ANXA13: variants seen among roughly 807,000 people sequenced by gnomAD.
The protein encoded by ANXA13 is annexin A13.
Under a neutral mutation model 46.6 loss-of-function variants are expected in ANXA13, and 36 were observed. The ratio of observed to expected loss-of-function variants is 0.77; its 90% confidence interval spans 0.59 to 1.02. ANXA13 has a LOEUF of 1.02. Ranked by LOEUF, ANXA13 falls within the 50% of genes least tolerant of loss-of-function variation. ANXA13 has a pLI of 0.00. For missense variants in ANXA13, 417 were observed against 396.5 expected (o/e 1.05, Z -0.44); for synonymous variants, 163 against 152.9 (o/e 1.07, Z -0.49).
intron 1 of ANXA13, among the ~76,000 whole-genome samples, chr8:123,726,584 C>G (rs1447493667): frequency 6.6e-6 from 1 of 152,226 alleles, no homozygotes; most frequent in Non-Finnish European, 1.5e-5. Context: ...CAGGGGAGCA[C>G]TGCTCATCTA....
chr8:123,702,972 G>A (rs1813472619), intron 2 of ANXA13, among the ~76,000 whole-genome samples: 1 of 152,168 alleles, frequency 6.6e-6, no homozygotes, highest in Non-Finnish European at 1.5e-5. Context: ...AGGCATTGTG[G>A]TGGAAAGAGG....
intron 10 of ANXA13, among the ~76,000 whole-genome samples, chr8:123,682,815 T>G (rs1320422512): frequency 6.6e-6 from 1 of 152,210 alleles, no homozygotes; most frequent in Non-Finnish European, 1.5e-5. Flanking sequence ...TAGCCAGGCC[T>G]GAAGCCTTCT....
chr8:123,684,705 A>G lies in ANXA13; in HGVS notation c.736T>C (p.Cys246Arg), dbSNP rs1454344180. The change falls in exon 10 of 11, where the codon TGT becomes CGT. Residue 246 changes from cysteine to arginine, a missense_variant. By Grantham distance (180) the Cys-to-Arg change is radical (BLOSUM62 -3). Coordinates refer to ENST00000419625, the MANE Select transcript of ANXA13 (RefSeq NM_004306.4). ...AGACGTTCAGCAAAATAGTCCTCAC[A>G]ATCCTGGGCACATCTCACTGGGCAG... ...YLTLVRCAQD[C>R]EDYFAERLYK... 3.1e-6 allele frequency: 5 copies of G among 1,613,418 alleles called. No homozygotes were observed.
intron 9 of ANXA13, among the ~76,000 whole-genome samples, chr8:123,686,278 GC>G (rs1199592621): frequency 6.6e-6 from 1 of 152,050 alleles, no homozygotes; most frequent in Non-Finnish European, 1.5e-5. Context: ...TTCGAGACCA[GC>G]CTGGCCAACA....
intron 9 of ANXA13, among the ~76,000 whole-genome samples, chr8:123,688,332 C>T (rs1011801357): frequency 2.6e-5 from 4 of 152,168 alleles, no homozygotes; most frequent in Admixed American, 2.0e-4. Flanking sequence ...CTGTGCCTTC[C>T]GTCTTCAGCC....
intron 1 of ANXA13, among the ~76,000 whole-genome samples, chr8:123,715,388 T>C (rs1029579913): frequency 1.3e-5 from 2 of 152,224 alleles, no homozygotes; most frequent in Admixed American, 6.5e-5. Flanking sequence ...CTTCTTTGCT[T>C]TTCATCCGAA....
intron 2 of ANXA13, among the ~76,000 whole-genome samples, chr8:123,703,725 AT>A (rs1049572060): frequency 7.2e-5 from 11 of 152,102 alleles, no homozygotes; most frequent in Admixed American, 2.0e-4. Flanking sequence ...AGATTATGTT[AT>A]TTTTAGAAGC....
At chr8:123,727,493 G>A (rs554101443) in intron 1 of ANXA13, among the ~76,000 whole-genome samples, 1 of 152,092 alleles carries the variant, frequency 6.6e-6, no homozygotes, top group African/African-American at 2.4e-5. Context: ...AACCAGGAGC[G>A]ATTTTTGTCT....
chr8:123,734,248 A>G (rs1814198342), intron 1 of ANXA13, among the ~76,000 whole-genome samples: 1 of 152,196 alleles, frequency 6.6e-6, no homozygotes, highest in Non-Finnish European at 1.5e-5. Context: ...AGTAATCTTA[A>G]TATTGATCTC....
chr8:123,715,652 G>A (rs1813746601), intron 1 of ANXA13, among the ~76,000 whole-genome samples: 1 of 152,240 alleles, frequency 6.6e-6, no homozygotes, highest in African/African-American at 2.4e-5. Flanking sequence ...TGAGCTGGGG[G>A]CATGCTTGCC....
chr8:123,693,417 T>C, intron 7 of ANXA13, 119 bp from the exon 8 acceptor site: 1 of 863,624 alleles, frequency 1.2e-6, no homozygotes, highest in Non-Finnish European at 1.8e-6. Flanking sequence ...AGAAGTCAAA[T>C]GGACTAAGCA....
intron 3 of ANXA13, among the ~76,000 whole-genome samples, chr8:123,700,221 GA>G (rs1813416953): frequency 6.8e-6 from 1 of 147,306 alleles, no homozygotes; most frequent in African/African-American, 2.5e-5. Flanking sequence ...CTAAAAATTG[GA>G]AATATATTTT....
At chr8:123,684,507 T>A in intron 10 of ANXA13, 103 bp downstream of exon 10, 1 of 787,432 alleles carries the variant, frequency 1.3e-6, no homozygotes, top group Non-Finnish European at 2.1e-6. Context: ...TCTGTTTTAC[T>A]TTTTCTGTAA....
intron 1 of ANXA13, among the ~76,000 whole-genome samples, chr8:123,726,555 G>T (rs113373349): frequency 2.0e-5 from 3 of 152,304 alleles, no homozygotes; most frequent in African/African-American, 7.2e-5. Context: ...GCTCCTGAAG[G>T]TTCCAGCCTG....
rs1404352899 is a variant in ANXA13, at chr8:123,698,411, AC to A, written c.334del (p.Val112SerfsTer37). ...GACCTTATTGGTCCTCGTGCACAGG[AC>A]CTCAATGAGGACGGACTCATCTGTG... Reference protein sequence around the residue: ...LGTDESVLIEVLCTRTNKEII... With the variant: ...LGTDESVLIEXLCTRTNKEII... On this transcript the variant is annotated frameshift_variant, in exon 4 of 11. Coordinates refer to ENST00000419625, the MANE Select transcript of ANXA13 (RefSeq NM_004306.4). LOFTEE classifies it high-confidence loss of function. The A allele has an allele frequency of 6.2e-7, 1 of 1,614,016 alleles. No individual in the cohort carries two copies. The highest frequency in any genetic ancestry group is 8.5e-7 in the Non-Finnish European group (1 of 1,179,984).
At chr8:123,721,646 C>T (rs1246417674) in intron 1 of ANXA13, among the ~76,000 whole-genome samples, 1 of 152,132 alleles carries the variant, frequency 6.6e-6, no homozygotes, top group Non-Finnish European at 1.5e-5. Flanking sequence ...TTTACAAAAG[C>T]TTGTCCTAAA....
intron 1 of ANXA13, among the ~76,000 whole-genome samples, chr8:123,731,734 C>T (rs901302349): frequency 3.9e-5 from 6 of 152,060 alleles, no homozygotes; most frequent in Non-Finnish European, 5.9e-5. Flanking sequence ...AGTAGCTGGG[C>T]GTTGTCATGC....
chr8:123,683,441 T>TTTTA (rs1813078479), intron 10 of ANXA13, among the ~76,000 whole-genome samples: 1 of 149,554 alleles, frequency 6.7e-6, no homozygotes, highest in Admixed American at 6.7e-5. Context: ...TTTTTTTTTT[T>TTTTA]GAGGGAAGAT....
intron 8 of ANXA13, among the ~76,000 whole-genome samples, chr8:123,689,949 T>G (rs1471034067): frequency 6.6e-6 from 1 of 152,210 alleles, no homozygotes; most frequent in Non-Finnish European, 1.5e-5. Context: ...AAGCACAATA[T>G]ATGTCGGGGG....
Sources: allele counts gnomAD v4.1 joint callset (sites outside exome capture counted in the v4.1 genomes callset), GRCh38; gene constraint gnomAD v4.1.1; transcripts MANE v1.5; gene names NCBI Gene and HGNC (gene_info 2026-07-23, HGNC 2026-07-21).